Variants in GLRB observed in about 807,000 individuals in gnomAD.
GLRB encodes glycine receptor subunit beta.
In GLRB, 33 loss-of-function variants were observed where a neutral mutation model predicts 54.2. The observed-to-expected ratio is 0.61, with a 90% confidence interval of 0.46 to 0.81. GLRB has a LOEUF of 0.81. GLRB is among the 40% of genes least tolerant of loss of function. The probability of loss-of-function intolerance (pLI) is 0.00; values close to 1 mark genes in which losing one functional copy is unlikely to be tolerated. For missense variants in GLRB, 572 were observed against 584.6 expected (o/e 0.98, Z 0.22); for synonymous variants, 209 against 208.2 (o/e 1.00, Z -0.03).
At chr4:157,081,797 T>C (rs1303125167) in intron 2 of GLRB, among the ~76,000 whole-genome samples, 1 of 152,186 alleles carries the variant, frequency 6.6e-6, no homozygotes, top group East Asian at 1.9e-4. Context: ...TTCCCAATAG[T>C]GTCTTGAGTC....
intron 4 of GLRB, among the ~76,000 whole-genome samples, chr4:157,127,033 TGG>T (rs2126544473): frequency 6.6e-6 from 1 of 151,968 alleles, no homozygotes; most frequent in South Asian, 2.1e-4. Context: ...CAACTCCTTT[TGG>T]GAAACACAGC....
At chr4:157,100,575 A>G (rs1290331865) in intron 2 of GLRB, among the ~76,000 whole-genome samples, 1 of 152,114 alleles carries the variant, frequency 6.6e-6, no homozygotes, top group Non-Finnish European at 1.5e-5. Flanking sequence ...ATTTTGATGT[A>G]TATTTTAGAG....
Position 157,084,881 on chromosome 4 carries a change from C to T in GLRB, c.122+6735C>T, listed in dbSNP as rs1035644159. On this transcript the variant is annotated intron_variant, in intron 2 of 9. Coordinates refer to ENST00000264428, the MANE Select transcript of GLRB (RefSeq NM_000824.5). Reference sequence around the variant, plus strand: ...TAGTATAATTCCAGTTTCTTACTTCCTAGTGGAAATATTCGAGACAAAGAC... The same window carrying T: ...TAGTATAATTCCAGTTTCTTACTTCTTAGTGGAAATATTCGAGACAAAGAC... 4.6e-5 allele frequency among the ~76,000 whole-genome samples: 7 copies of T among 151,986 alleles called. 1 individual carries two copies. Among genetic ancestry groups the T allele is most frequent in the Admixed American group, 4.6e-4 (7 of 15,256 alleles).
At chr4:157,090,553 T>C (rs541007948) in intron 2 of GLRB, among the ~76,000 whole-genome samples, 1 of 152,296 alleles carries the variant, frequency 6.6e-6, no homozygotes, top group South Asian at 2.1e-4. Context: ...TCTTCTTTAA[T>C]GTCATGCCAA....
At chr4:157,123,438 G>A (rs1560955382) in intron 4 of GLRB, among the ~76,000 whole-genome samples, 1 of 151,646 alleles carries the variant, frequency 6.6e-6, no homozygotes, top group Non-Finnish European at 1.5e-5. Context: ...AATTTTAATT[G>A]TGATGAGAGT....
Position 157,170,597 on chromosome 4 carries a change from A to G in GLRB, c.1363A>G (p.Asn455Asp). The change falls in exon 10 of 10, where the codon AAC becomes GAC. Residue 455 changes from asparagine to aspartate, a missense_variant. Coordinates refer to ENST00000264428, the MANE Select transcript of GLRB (RefSeq NM_000824.5). The stretch of plus-strand genomic sequence containing the variant: ...CGGACTTGGGAAATCTCAGGCTAAG[A>G]ACAACAAGAAGCCTCCCCCTGCGAA... The part of the protein sequence containing the change: ...NNGLGKSQAK[N>D]NKKPPPAKPV... 4 of 1,612,322 alleles carry G rather than the reference A, an allele frequency of 2.5e-6. No individual in the cohort carries two copies. Among genetic ancestry groups the G allele is most frequent in the Non-Finnish European group, 3.4e-6 (4 of 1,178,438 alleles).
intron 6 of GLRB, among the ~76,000 whole-genome samples, chr4:157,137,656 C>A (rs1413585738): frequency 6.6e-6 from 1 of 152,068 alleles, no homozygotes; most frequent in South Asian, 2.1e-4. Flanking sequence ...AAATAATGTA[C>A]CGAAATGGAT....
At chr4:157,083,806 A>T (rs1189069204) in intron 2 of GLRB, among the ~76,000 whole-genome samples, 2 of 152,118 alleles carry the variant, frequency 1.3e-5, no homozygotes, top group African/African-American at 2.4e-5. Context: ...TAAGGTTTGA[A>T]ATTTCATGAA....
At chr4:157,116,253 G>T (rs1735605507) in intron 2 of GLRB, among the ~76,000 whole-genome samples, 1 of 151,698 alleles carries the variant, frequency 6.6e-6, no homozygotes, top group Non-Finnish European at 1.5e-5. Flanking sequence ...GTTGTAAAAG[G>T]CTTTTGATAT....
At chr4:157,136,376 C>G in intron 4 of GLRB, 93 bp from the exon 5 acceptor site, 1 of 744,232 alleles carries the variant, frequency 1.3e-6, no homozygotes, top group South Asian at 1.5e-5. Context: ...ATTTGTGCCA[C>G]TAATCATTGT....
chr4:157,166,546 T>C (rs1737716241), intron 9 of GLRB, among the ~76,000 whole-genome samples: 1 of 152,080 alleles, frequency 6.6e-6, no homozygotes, highest in African/African-American at 2.4e-5. Flanking sequence ...CCCTGAGTAC[T>C]TCTCATTAGG....
In GLRB at chr4:157,136,853, G is replaced by T; in HGVS notation, c.577G>T (p.Asp193Tyr). The T allele has an allele frequency of 3.1e-6, 5 of 1,609,920 alleles. No individual in the cohort carries two copies. Among genetic ancestry groups the T allele is most frequent in the Non-Finnish European group, 4.3e-6 (5 of 1,176,330 alleles). ...CPLDLTLFPMDTQRCKMQLES... is the reference protein window; with the variant it reads ...CPLDLTLFPMYTQRCKMQLES... ...TTTGGACTTGACATTGTTTCCCATG[G>T]ATACACAACGTTGCAAGATGCAACT... Residue 193 changes from aspartate to tyrosine, a missense_variant, in exon 6 of 10, where the codon GAT (aspartate) becomes TAT (tyrosine). Transcript: ENST00000264428.
chr4:157,092,657 T>C (rs1243630139), intron 2 of GLRB, among the ~76,000 whole-genome samples: 2 of 152,166 alleles, frequency 1.3e-5, no homozygotes, highest in Non-Finnish European at 2.9e-5. Flanking sequence ...CTTCTTTATG[T>C]GAGAGTTAGT....
At chr4:157,077,728 A>G (rs1734087551) in intron 1 of GLRB, among the ~76,000 whole-genome samples, 1 of 150,770 alleles carries the variant, frequency 6.6e-6, no homozygotes, top group Non-Finnish European at 1.5e-5. Context: ...AATTTTATAC[A>G]GTAACCTATT....
chr4:157,165,125 A>G (rs1272785647), intron 9 of GLRB, among the ~76,000 whole-genome samples: 1 of 152,084 alleles, frequency 6.6e-6, no homozygotes, highest in Non-Finnish European at 1.5e-5. Flanking sequence ...TTTCCAGAAT[A>G]AACTTTGTAC....
At chr4:157,094,458 T>C (rs1734732602) in intron 2 of GLRB, among the ~76,000 whole-genome samples, 1 of 152,216 alleles carries the variant, frequency 6.6e-6, no homozygotes, top group Non-Finnish European at 1.5e-5. Flanking sequence ...TTCATAAACA[T>C]TTGGGTTGTT....
At chr4:157,110,986 A>G (rs1410598939) in intron 2 of GLRB, among the ~76,000 whole-genome samples, 1 of 152,030 alleles carries the variant, frequency 6.6e-6, no homozygotes, top group Non-Finnish European at 1.5e-5. Context: ...CCCCAAGAAG[A>G]ATCTGGGCAC....
chr4:157,106,721 A>T (rs528551613), intron 2 of GLRB, among the ~76,000 whole-genome samples: 2 of 152,036 alleles, frequency 1.3e-5, no homozygotes, highest in African/African-American at 4.8e-5. Flanking sequence ...ACTAAGAATT[A>T]CACCATCACC....
intron 8 of GLRB, among the ~76,000 whole-genome samples, chr4:157,150,511 T>C (rs1736981480): frequency 6.6e-6 from 1 of 152,086 alleles, no homozygotes; most frequent in Non-Finnish European, 1.5e-5. Flanking sequence ...CCCCCTTTTC[T>C]GACACCAAAA....
Sources: allele counts gnomAD v4.1 joint callset (sites outside exome capture counted in the v4.1 genomes callset), GRCh38; gene constraint gnomAD v4.1.1; transcripts MANE v1.5; gene names NCBI Gene and HGNC (gene_info 2026-07-23, HGNC 2026-07-21).